The following MAST4 variants were observed in gnomAD, a reference collection of about 807,000 sequenced individuals.
The protein encoded by MAST4 is microtubule-associated serine/threonine-protein kinase 4.
MAST4 carries 89 observed loss-of-function variants against 162.7 expected under a neutral mutation model. The ratio of observed to expected loss-of-function variants is 0.55; its 90% CI spans 0.46 to 0.65. MAST4 has a LOEUF of 0.65. MAST4 is among the 30% of genes least tolerant of loss of function. MAST4 has a pLI of 0.00. For missense variants in MAST4, 3,153 were observed against 3,374.0 expected (o/e 0.93, Z 1.62); for synonymous variants, 1,479 against 1,361.1 (o/e 1.09, Z -1.91).
intron 14 of MAST4, among the ~76,000 whole-genome samples, chr5:67,121,485 T>C (rs1767579131): frequency 6.6e-6 from 1 of 151,450 alleles, no homozygotes; most frequent in Non-Finnish European, 1.5e-5. Context: ...CTATATAGTA[T>C]TACTACATGA....
intron 4 of MAST4, among the ~76,000 whole-genome samples, chr5:67,019,202 A>G (rs1450702454): frequency 2.0e-5 from 3 of 152,200 alleles, no homozygotes; most frequent in Non-Finnish European, 4.4e-5. Context: ...CCTGGGGCAC[A>G]TTGGAAAGGC....
chr5:66,787,145 T>C (rs1329490967), intron 2 of MAST4, among the ~76,000 whole-genome samples: 2 of 152,214 alleles, frequency 1.3e-5, no homozygotes, highest in African/African-American at 2.4e-5. Context: ...CTGTTATGGC[T>C]AAATAGTTAA....
At chr5:67,132,553 G>A (rs1358505124) in intron 16 of MAST4, among the ~76,000 whole-genome samples, 1 of 151,816 alleles carries the variant, frequency 6.6e-6, no homozygotes, top group Non-Finnish European at 1.5e-5. Context: ...TACATTCTAT[G>A]TTACTCACAG....
chr5:67,151,961 G>T (rs999147791), intron 24 of MAST4, among the ~76,000 whole-genome samples: 1 of 151,864 alleles, frequency 6.6e-6, no homozygotes, highest in Non-Finnish European at 1.5e-5. Context: ...TAGAGACAGG[G>T]TTTAGCCATA....
At chr5:67,068,237 A>T (rs983498377) in intron 5 of MAST4, among the ~76,000 whole-genome samples, 1 of 152,210 alleles carries the variant, frequency 6.6e-6, no homozygotes, top group African/African-American at 2.4e-5. Flanking sequence ...ATTCTGTTGT[A>T]TTAGTCTGTT....
At position 67,149,655 on chromosome 5, in the gene MAST4, A is replaced by G. The variant is rs1340594313; in HGVS notation, c.3295+66A>G. ...ATGTGGTCCCATCCCTCCTCTCCCA[A>G]TTTGGAATGCTGAATGAGATGCAAG... On this transcript the variant is annotated intron_variant, in intron 24 of 28. Transcript: ENST00000403625. 6.7e-6 allele frequency: 10 copies of G among 1,481,578 alleles called. No homozygotes were observed. In the African/African-American group the frequency reaches 9.7e-5, roughly 14 times the overall value. The allele number at this position is 1,481,578 out of a possible 1,614,324, so 91.8% of individuals were successfully genotyped here.
chr5:67,050,173 C>G (rs1757994914), intron 4 of MAST4, among the ~76,000 whole-genome samples: 1 of 152,206 alleles, frequency 6.6e-6, no homozygotes, highest in South Asian at 2.1e-4. Context: ...TCTTCACCTT[C>G]TTAGCAAATG....
intron 3 of MAST4, among the ~76,000 whole-genome samples, chr5:66,813,454 A>G (rs1756570403): frequency 6.6e-6 from 1 of 152,232 alleles, no homozygotes; most frequent in Non-Finnish European, 1.5e-5. Context: ...CCACAGTCAT[A>G]CAAGAGTGTA....
intron 4 of MAST4, among the ~76,000 whole-genome samples, chr5:67,013,481 A>G (rs1752926576): frequency 6.6e-6 from 1 of 152,230 alleles, no homozygotes; most frequent in Non-Finnish European, 1.5e-5. Flanking sequence ...GCTATCAAAC[A>G]AAATAAAAGC....
intron 4 of MAST4, chr5:66,916,988 A>G (rs1021772049): frequency 1.4e-6 from 1 of 718,076 alleles, no homozygotes; most frequent in Admixed American, 2.0e-5. Flanking sequence ...TATAGGATAG[A>G]TTCCCAGAAG....
Position 67,130,352 on chromosome 5 carries a change from G to A in MAST4, c.1888G>A (p.Val630Ile). The A allele has an allele frequency of 6.2e-7, 1 of 1,614,000 alleles. No individual in the cohort carries two copies. Among genetic ancestry groups the A allele is most frequent in the Middle Eastern group, 1.7e-4 (1 of 6,060 alleles). ...CCTGACTTTTGCAGAAAACCCCTTT[G>A]TTGTCAGCATGTATTGCTCCTTTGA... ...DILTFAENPF[V>I]VSMYCSFETR... The change falls in exon 15 of 29, where the codon GTT becomes ATT. Residue 630 changes from valine to isoleucine, a missense_variant. By Grantham distance (29) the Val-to-Ile change is conservative. Around this residue, in one of 7 missense-constraint regions of MAST4, gnomAD observed 131 missense variants for 253.8 expected, o/e 0.52. Coordinates refer to ENST00000403625, the MANE Select transcript of MAST4 (RefSeq NM_001164664.2).
At chr5:66,886,419 T>C (rs1364522277) in intron 3 of MAST4, among the ~76,000 whole-genome samples, 1 of 152,176 alleles carries the variant, frequency 6.6e-6, no homozygotes, top group African/African-American at 2.4e-5. Flanking sequence ...GTCCAAATAG[T>C]GTAACTTCAA....
Position 67,102,875 on chromosome 5 carries a change from G to A in MAST4, c.1146+264G>A, listed in dbSNP as rs908547800. On this transcript the variant is annotated intron_variant, in intron 9 of 28. Coordinates refer to ENST00000403625, the MANE Select transcript of MAST4 (RefSeq NM_001164664.2). ...GTGCACCACACACGGGGTGGGCCTG[G>A]TGAGGTGCCGTAGGGAGGGTCTACT... Among the ~76,000 whole-genome samples the A allele has an allele frequency of 3.3e-5, 5 of 152,294 alleles. No homozygotes were observed. The East Asian group carries it at 7.7e-4, about 24-fold the overall frequency.
chr5:66,687,947 A>G (rs1427748983), intron 1 of MAST4, among the ~76,000 whole-genome samples: 1 of 152,192 alleles, frequency 6.6e-6, no homozygotes, highest in East Asian at 1.9e-4. Context: ...TTTCAGGTGC[A>G]CAGGTGTGGC....
intron 4 of MAST4, among the ~76,000 whole-genome samples, chr5:67,009,439 T>G (rs1289790103): frequency 3.9e-5 from 6 of 152,146 alleles, no homozygotes; most frequent in African/African-American, 1.4e-4. Context: ...GCACAGTGGT[T>G]AAGAGGGTCG....
intron 2 of MAST4, among the ~76,000 whole-genome samples, chr5:66,760,443 A>G (rs1383862282): frequency 6.6e-6 from 1 of 151,996 alleles, no homozygotes; most frequent in African/African-American, 2.4e-5. Context: ...TTATGTTTGG[A>G]TGGATTTTTG....
intron 3 of MAST4, among the ~76,000 whole-genome samples, chr5:66,844,974 T>A (rs1387757200): frequency 6.6e-6 from 1 of 151,110 alleles, no homozygotes; most frequent in African/African-American, 2.4e-5. Context: ...CATTATCTTA[T>A]GGGTGCTAAA....
chr5:66,669,483 C>CAT (rs1276008082), intron 1 of MAST4, among the ~76,000 whole-genome samples: 1 of 152,190 alleles, frequency 6.6e-6, no homozygotes, highest in East Asian at 1.9e-4. Context: ...GTGAGGATCA[C>CAT]ATACAAAGGA....
intron 1 of MAST4, among the ~76,000 whole-genome samples, chr5:66,615,788 AC>A (rs1743635575): frequency 6.6e-6 from 1 of 152,206 alleles, no homozygotes; most frequent in Non-Finnish European, 1.5e-5. Context: ...AATCTGGGCA[AC>A]AGAGCGAGAT....
Sources: allele counts gnomAD v4.1 joint callset (sites outside exome capture counted in the v4.1 genomes callset), GRCh38; gene constraint gnomAD v4.1.1; regional missense constraint gnomAD v4.1.1; transcripts MANE v1.5; gene names NCBI Gene and HGNC (gene_info 2026-07-23, HGNC 2026-07-21).